Variants in MTO1 observed in about 807,000 individuals in gnomAD.
MTO1 encodes mitochondrial tRNA translation optimization 1, also known as 5-taurinomethyluridine-[tRNA] synthase subunit MTO1, mitochondrial.
Under a neutral mutation model 71.6 loss-of-function variants are expected in MTO1, and 46 were observed. The observed-to-expected ratio is 0.64, with a 90% confidence interval of 0.51 to 0.82. The LOEUF is 0.82. Ranked by LOEUF, MTO1 falls within the 40% of genes least tolerant of loss-of-function variation. The probability of loss-of-function intolerance (pLI) is 0.00; values close to 1 mark genes in which losing one functional copy is unlikely to be tolerated. For synonymous variants in MTO1, 297 were observed against 312.1 expected (o/e 0.95, Z 0.51); for missense variants, 773 against 867.5 (o/e 0.89, Z 1.37).
At chr6:73,492,436 C>A in intron 10 of MTO1, 84 bp downstream of exon 10, 1 of 935,164 alleles carries the variant, frequency 1.1e-6, no homozygotes, top group Non-Finnish European at 1.7e-6. Flanking sequence ...ACTGTTGGAC[C>A]AGCACAGTGT....
chr6:73,502,414 A>C lies in MTO1; in HGVS notation c.*1679A>C, dbSNP rs1380409158. 6.6e-6 allele frequency: 1 copy of C among 152,168 alleles called. No individual in the cohort carries two copies. Among genetic ancestry groups the C allele is most frequent in the Non-Finnish European group, 1.5e-5 (1 of 68,050 alleles). 9.4% of individuals were successfully genotyped at this position (152,168 alleles called of 1,614,324 possible). On this transcript the variant is annotated 3_prime_UTR_variant, in exon 12 of 12. Coordinates refer to ENST00000498286, the MANE Select transcript of MTO1 (RefSeq NM_012123.4). ...AGCTGAGATTGTGCCACTGCACTCC[A>C]GCCTGGGCGACAGAGTGAGACTGTT...
chr6:73,469,588 C>T (rs1237780133), intron 3 of MTO1, among the ~76,000 whole-genome samples: 1 of 151,856 alleles, frequency 6.6e-6, no homozygotes, highest in Non-Finnish European at 1.5e-5. Flanking sequence ...TGCCACTGCA[C>T]TCCAGCCTGG....
intron 3 of MTO1, chr6:73,471,501 AC>A: frequency 2.2e-6 from 1 of 447,496 alleles, no homozygotes; most frequent in Non-Finnish European, 4.5e-6. Flanking sequence ...TGTAGCCTCG[AC>A]CACCTGGACC....
chr6:73,490,044 G>A (rs1273668956), intron 9 of MTO1, among the ~76,000 whole-genome samples: 2 of 152,210 alleles, frequency 1.3e-5, no homozygotes, highest in African/African-American at 4.8e-5. Context: ...GGCCAGTGAT[G>A]ATGAGCATTT....
Position 73,479,818 on chromosome 6 carries a change from T to G in MTO1, c.912T>G (p.His304Gln). 6.2e-7 allele frequency: 1 copy of G among 1,613,814 alleles called. No individual in the cohort carries two copies. The highest frequency in any genetic ancestry group is 8.5e-7 in the Non-Finnish European group (1 of 1,179,746). ...IVLKNLHLNS[H>Q]VKETTRGPRY... is the part of the protein sequence containing the mutation. ...TTAAGAACCTTCACCTTAATAGTCA[T>G]GTTAAAGAAACGACAAGAGGACCTC... The change falls in exon 5 of 12, where the codon CAT becomes CAG. Residue 304 changes from histidine (H) to glutamine (Q), a missense_variant. Coordinates refer to ENST00000498286, the MANE Select transcript of MTO1 (RefSeq NM_012123.4).
rs201990339 is a variant in MTO1 at position 73,482,636 on chromosome 6, A to G, written c.1637+16A>G. 606 of 1,567,686 alleles carry G rather than the reference A, an allele frequency of 3.9e-4. 2 individuals carry two copies. Among genetic ancestry groups the G allele is most frequent in the East Asian group, 5.8e-4 (26 of 44,620 alleles). On this transcript the variant is annotated intron_variant, in intron 9 of 11. Transcript: ENST00000498286. ...TGCCTGTCAGGTATGCATTTTTAATATAGACCTTTCTCACTTTTTATAGAA... is the reference window on the plus strand; with the variant it reads ...TGCCTGTCAGGTATGCATTTTTAATGTAGACCTTTCTCACTTTTTATAGAA...
At chr6:73,493,822 G>A (rs1771904624) in intron 10 of MTO1, among the ~76,000 whole-genome samples, 1 of 152,016 alleles carries the variant, frequency 6.6e-6, no homozygotes, top group African/African-American at 2.4e-5. Context: ...CTCTACCATT[G>A]ACAAATACTT....
At chr6:73,472,342 G>C (rs1162471001) in intron 3 of MTO1, among the ~76,000 whole-genome samples, 1 of 151,832 alleles carries the variant, frequency 6.6e-6, no homozygotes, top group Non-Finnish European at 1.5e-5. Context: ...TTTTCTTTGA[G>C]TTTTAGAAGG....
At chr6:73,467,438 AAC>A (rs1666605742) in intron 3 of MTO1, among the ~76,000 whole-genome samples, 1 of 152,022 alleles carries the variant, frequency 6.6e-6, no homozygotes, top group Admixed American at 6.6e-5. Flanking sequence ...AACATGGAGA[AAC>A]ACATCTCTAC....
intron 11 of MTO1, among the ~76,000 whole-genome samples, chr6:73,498,918 G>A (rs548289226): frequency 6.6e-6 from 1 of 151,832 alleles, no homozygotes; most frequent in Admixed American, 6.6e-5. Context: ...TAGCAGAGAC[G>A]GGGTTTCACC....
intron 6 of MTO1, 47 bp downstream of exon 6, chr6:73,480,173 T>C: frequency 6.3e-7 from 1 of 1,579,356 alleles, no homozygotes; most frequent in South Asian, 1.1e-5. Context: ...AGCATTGTTT[T>C]AATGGTCAGT....
In MTO1 at chr6:73,461,818, G is replaced by A. The variant is rs1770824640; in HGVS notation, c.-37G>A. Reference sequence around the variant, plus strand: ...GCGTAAGTTTTTTTGACCGTCACTCGTGTCAGCTTCAAAGTCAGATAGATT... The same window carrying A: ...GCGTAAGTTTTTTTGACCGTCACTCATGTCAGCTTCAAAGTCAGATAGATT... On this transcript the variant is annotated 5_prime_UTR_variant, in exon 1 of 12. It adds an upstream start codon to the 5' untranslated region. Coordinates refer to ENST00000498286, the MANE Select transcript of MTO1 (RefSeq NM_012123.4). The A allele has an allele frequency of 6.3e-7, 1 of 1,595,126 alleles. No individual in the cohort carries two copies. Among genetic ancestry groups the A allele is most frequent in the Non-Finnish European group, 8.6e-7 (1 of 1,164,624 alleles).
Position 73,482,401 on chromosome 6 carries a change from G to A in MTO1, c.1466-48G>A, listed in dbSNP as rs753326243. Reference sequence around the variant, plus strand: ...AGACACTGTCTCTACAAAAAAATTTGCTTTAAAAACCACACTTCTCATTAT... The same window carrying A: ...AGACACTGTCTCTACAAAAAAATTTACTTTAAAAACCACACTTCTCATTAT... On this transcript the variant is annotated intron_variant, in intron 8 of 11. Transcript: ENST00000498286. The A allele has an allele frequency of 1.9e-6, 3 of 1,576,680 alleles. No homozygotes were observed. In the South Asian group the frequency reaches 3.4e-5, roughly 18 times the overall value.
Position 73,492,115 on chromosome 6 carries a change from AAAAG to A in MTO1, c.1638-115_1638-112del, listed in dbSNP as rs75156473. 4 of 709,182 alleles carry A rather than the reference AAAAG, an allele frequency of 5.6e-6. No homozygotes were observed. The Admixed American group carries it at 7.9e-5, about 14-fold the overall frequency. 43.9% of individuals were successfully genotyped at this position (709,182 alleles called of 1,614,324 possible). A position where few individuals can be genotyped will look rare whatever the true frequency, so the allele number is the denominator to read the frequency against. On this transcript the variant is annotated intron_variant, in intron 9 of 11. Transcript: ENST00000498286. ...CGAGACTCCATCTCAAAAAAAAAAA[AAAAG>A]AAATAATCTTTTGGTATTTATTCTG...
intron 4 of MTO1, 132 bp downstream of exon 4, chr6:73,473,786 A>ATTT (rs112494055): frequency 3.3e-5 from 15 of 460,766 alleles, no homozygotes; most frequent in Non-Finnish European, 3.5e-5. Flanking sequence ...CAAAGAAATG[A>ATTT]TTTTTTTTTT....
Position 73,502,988 on chromosome 6 carries a change from A to G in MTO1, c.*2253A>G, listed in dbSNP as rs1260248242. The G allele has an allele frequency of 6.6e-6, 1 of 152,184 alleles. No homozygotes were observed. The highest frequency in any genetic ancestry group is 1.9e-4 in the East Asian group (1 of 5,202). 9.4% of individuals were successfully genotyped at this position (152,184 alleles called of 1,614,324 possible). A position where few individuals can be genotyped will look rare whatever the true frequency, so the allele number is the denominator to read the frequency against. On this transcript the variant is annotated 3_prime_UTR_variant, in exon 12 of 12. Transcript: ENST00000498286. ...AGTGACACTATACACATATAAAGAA[A>G]CTTTAAAGTTTCTTAGTAATGAAGG...
At chr6:73,475,512 CT>C (rs111808691) in intron 4 of MTO1, among the ~76,000 whole-genome samples, 285 of 139,194 alleles carry the variant, frequency 2.0e-3, no homozygotes, top group East Asian at 3.7e-3. Flanking sequence ...GTCTTGAACT[CT>C]TTTTTTTTTT....
Position 73,479,788 on chromosome 6 carries a change from T to A in MTO1, c.882T>A (p.Ile294=), listed in dbSNP as rs750322240. 105 of 1,613,956 alleles carry A rather than the reference T, an allele frequency of 6.5e-5. No homozygotes were observed. Among genetic ancestry groups the A allele is most frequent in the Non-Finnish European group, 8.5e-5 (100 of 1,180,012 alleles). The change falls in exon 5 of 12, where the codon ATT becomes ATA. Residue 294 remains isoleucine, a synonymous_variant. Coordinates refer to ENST00000498286, the MANE Select transcript of MTO1 (RefSeq NM_012123.4). ...ACACCAACCCTAGAGTGGATGAGAT[T>A]GTCCTTAAGAACCTTCACCTTAATA... ...LTHTNPRVDE[I]VLKNLHLNSH... is the part of the protein sequence containing the mutation.
chr6:73,497,157 C>CTTTT lies in MTO1; in HGVS notation c.1757-569_1757-566dup, dbSNP rs765385743. Among the ~76,000 whole-genome samples the CTTTT allele has an allele frequency of 8.6e-5, 8 of 92,716 alleles. 1 individual carries two copies. In the East Asian group the frequency reaches 1.6e-3, roughly 18 times the overall value. The allele number at this position is 92,716 out of a possible 152,430, so 60.8% of individuals were successfully genotyped here. On this transcript the variant is annotated intron_variant, in intron 10 of 11. Coordinates refer to ENST00000498286, the MANE Select transcript of MTO1 (RefSeq NM_012123.4). ...TTTGCACTGACAGCGGAAGCAAATT[C>CTTTT]TTTTTTTTTTTTTGAGACAGAGTCT... is the stretch of plus-strand genomic sequence containing the variant.
Sources: gnomAD v4.1 joint callset for allele counts (sites outside exome capture counted in the v4.1 genomes callset) on GRCh38, gnomAD v4.1.1 for gene constraint, MANE v1.5 for transcripts, NCBI Gene and HGNC (gene_info 2026-07-23, HGNC 2026-07-21) for gene names.